The following SPRR2G variants were observed in gnomAD, a reference collection of about 807,000 sequenced individuals.
SPRR2G encodes the protein small proline-rich protein 2G.
SPRR2G carries 1 observed loss-of-function variant against 0.7 expected under a neutral mutation model. The observed-to-expected ratio is 1.49, with a 90% CI of 0.53 to 7.06. SPRR2G has a LOEUF of 7.06. Among genes scored for constraint, SPRR2G ranks in the 30% most tolerant of loss-of-function variants. SPRR2G has a pLI of 0.14. For missense variants in SPRR2G, 96 were observed against 88.5 expected (o/e 1.09, Z -0.34); for synonymous variants, 38 against 33.9 (o/e 1.12, Z -0.42).
At chr1:153,183,065 T>A in the SPRR2G span, among the ~76,000 whole-genome samples, 1 of 150,986 alleles carries the variant, frequency 6.6e-6, no homozygotes, top group African/African-American at 2.4e-5. Context: ...TGACTTTTTT[T>A]TTCTTTTTTT....
upstream of SPRR2G, among the ~76,000 whole-genome samples, chr1:153,155,253 A>G (rs756079994): frequency 1.3e-5 from 2 of 152,120 alleles, no homozygotes; most frequent in Non-Finnish European, 2.9e-5. Flanking sequence ...TCTCTGTCCA[A>G]ATATCCTCAA....
the SPRR2G span, among the ~76,000 whole-genome samples, chr1:153,180,289 TTAAC>T: frequency 1.3e-5 from 2 of 152,222 alleles, no homozygotes; most frequent in East Asian, 3.9e-4. Flanking sequence ...CCCCCAAACA[TTAAC>T]TTTTTCCTGG....
chr1:153,191,074 C>G, the SPRR2G span: 3 of 152,234 alleles, frequency 2.0e-5, no homozygotes, highest in Non-Finnish European at 2.9e-5. Context: ...GACAAGGGGA[C>G]CTGGTTCAAG....
At chr1:153,171,729 T>C in the SPRR2G span, among the ~76,000 whole-genome samples, 4 of 152,198 alleles carry the variant, frequency 2.6e-5, no homozygotes, top group African/African-American at 7.2e-5. Context: ...CCCATCTCCC[T>C]GGCACAGATA....
intron 1 of SPRR2G, 21 bp from the exon 2 acceptor site, chr1:153,150,152 A>G (rs367866890): frequency 1.9e-6 from 3 of 1,608,496 alleles, no homozygotes; most frequent in Non-Finnish European, 2.5e-6. Flanking sequence ...CATACGAAAC[A>G]GTGCTCATAA....
At chr1:153,161,362 G>A in the SPRR2G span, among the ~76,000 whole-genome samples, 1 of 110,784 alleles carries the variant, frequency 9.0e-6, no homozygotes, top group Admixed American at 9.1e-5. Context: ...TTGGCCATTT[G>A]TATTTCTTCA....
the SPRR2G span, among the ~76,000 whole-genome samples, chr1:153,180,706 C>G: frequency 3.9e-5 from 6 of 152,098 alleles, no homozygotes; most frequent in Non-Finnish European, 7.4e-5. Context: ...TTTCCAAATT[C>G]TTTCTACCAT....
chr1:153,178,343 G>C, the SPRR2G span, among the ~76,000 whole-genome samples: 1 of 152,090 alleles, frequency 6.6e-6, no homozygotes, highest in Admixed American at 6.6e-5. Context: ...GCACTGGCTG[G>C]AACTTCCAGG....
In SPRR2G at chr1:153,149,969, G is replaced by A; in HGVS notation, c.142C>T (p.Pro48Ser). 2.5e-6 allele frequency: 4 copies of A among 1,614,128 alleles called. No homozygotes were observed. The highest frequency in any genetic ancestry group is 1.3e-5 in the African/African-American group (1 of 75,014). Residue 48 changes from proline to serine, a missense_variant, in exon 2 of 2, where the codon CCT (proline) becomes TCT (serine). Transcript: ENST00000368748. ...PPPCPPEHCP[P>S]PPCQDKCPPV... is the part of the protein sequence containing the mutation. Reference sequence around the variant, plus strand: ...GGGCATTTATCCTGGCATGGTGGAGGTGGGCAATGCTCAGGTGGACAAGGA... The same window carrying A: ...GGGCATTTATCCTGGCATGGTGGAGATGGGCAATGCTCAGGTGGACAAGGA...
chr1:153,202,695 C>T, the SPRR2G span, among the ~76,000 whole-genome samples: 1 of 152,206 alleles, frequency 6.6e-6, no homozygotes, highest in African/African-American at 2.4e-5. Context: ...CACCCCATCT[C>T]CCAATCCATC....
the SPRR2G span, among the ~76,000 whole-genome samples, chr1:153,201,236 G>T: frequency 6.6e-6 from 1 of 152,306 alleles, no homozygotes; most frequent in South Asian, 2.1e-4. Context: ...GATACCAAAT[G>T]TAACACTGCC....
the SPRR2G span, among the ~76,000 whole-genome samples, chr1:153,169,564 C>CAAAA: frequency 7.0e-6 from 1 of 142,284 alleles, no homozygotes. Context: ...GACTCCATCT[C>CAAAA]AAAAAAAAAA....
chr1:153,167,691 C>A, the SPRR2G span, among the ~76,000 whole-genome samples: 803 of 152,228 alleles, frequency 5.3e-3, 10 homozygotes, highest in Middle Eastern at 0.02. Context: ...CATTTAAGTT[C>A]TCTGACCTTA....
chr1:153,166,616 C>T, the SPRR2G span, among the ~76,000 whole-genome samples: 46 of 152,138 alleles, frequency 3.0e-4, no homozygotes, highest in Non-Finnish European at 6.5e-4. Context: ...GACCACCCAA[C>T]CAGGTAGAAG....
At chr1:153,169,833 CT>C in the SPRR2G span, among the ~76,000 whole-genome samples, 805 of 152,286 alleles carry the variant, frequency 5.3e-3, 11 homozygotes, top group Middle Eastern at 0.02. Flanking sequence ...GCATAAATTC[CT>C]GCCTTATTCT....
At chr1:153,200,565 A>T in the SPRR2G span, among the ~76,000 whole-genome samples, 2 of 152,248 alleles carry the variant, frequency 1.3e-5, no homozygotes, top group Non-Finnish European at 2.9e-5. Context: ...CTGGCATGTT[A>T]TGAGCAATCG....
At chr1:153,202,639 A>G in the SPRR2G span, among the ~76,000 whole-genome samples, 1 of 151,974 alleles carries the variant, frequency 6.6e-6, no homozygotes, top group Non-Finnish European at 1.5e-5. Context: ...AGATGTGGAG[A>G]TTTTCATAAT....
At chr1:153,186,145 A>G in the SPRR2G span, among the ~76,000 whole-genome samples, 5 of 152,146 alleles carry the variant, frequency 3.3e-5, no homozygotes, top group African/African-American at 9.7e-5. Flanking sequence ...TATGTGGTCA[A>G]TTTTAGAATA....
At chr1:153,175,127 T>C in the SPRR2G span, among the ~76,000 whole-genome samples, 1 of 152,146 alleles carries the variant, frequency 6.6e-6, no homozygotes, top group Non-Finnish European at 1.5e-5. Flanking sequence ...ATATCTTCCA[T>C]TTACTTTTCT....
Sources: allele counts gnomAD v4.1 joint callset (sites outside exome capture counted in the v4.1 genomes callset), GRCh38; gene constraint gnomAD v4.1.1; transcripts MANE v1.5; gene names NCBI Gene and HGNC (gene_info 2026-07-23, HGNC 2026-07-21).